CCDC33: variants seen among roughly 807,000 people sequenced by gnomAD.
CCDC33 encodes the protein coiled-coil domain-containing protein 33.
Under a neutral mutation model 91.9 loss-of-function variants are expected in CCDC33, and 94 were observed. The ratio of observed to expected loss-of-function variants is 1.02; its 90% CI spans 0.87 to 1.21. The LOEUF (loss-of-function observed/expected upper bound fraction) is 1.21, where lower values mean the gene tolerates loss of function less well. CCDC33 is among the 50% of genes most tolerant of loss of function. The probability of loss-of-function intolerance (pLI) is 0.00; values close to 1 mark genes in which losing one functional copy is unlikely to be tolerated. For synonymous variants in CCDC33, 396 were observed against 374.5 expected, an observed-to-expected ratio of 1.06 and a Z score of -0.66; for missense variants, 940 against 935.5, an observed-to-expected ratio of 1.00 and a Z score of -0.06.
intron 2 of CCDC33, among the ~76,000 whole-genome samples, chr15:74,257,501 G>T (rs1318311749): frequency 6.6e-6 from 1 of 152,198 alleles, no homozygotes; most frequent in Non-Finnish European, 1.5e-5. Context: ...CCAGAGGTGT[G>T]AGGGCTGGGG....
At chr15:74,226,574 A>G (rs2074803569) in intron 2 of CCDC33, among the ~76,000 whole-genome samples, 2 of 152,074 alleles carry the variant, frequency 1.3e-5, no homozygotes, top group African/African-American at 4.8e-5. Flanking sequence ...CTCGCCTGTA[A>G]TCCCAGCACT....
intron 2 of CCDC33, among the ~76,000 whole-genome samples, chr15:74,248,480 CCCTGTCTCAGCCTGGATT>C (rs2075606120): frequency 6.6e-6 from 1 of 152,196 alleles, no homozygotes; most frequent in Middle Eastern, 3.4e-3. Context: ...TCCTGGGAAT[CCCTGTCTCAGCCTGGATT>C]CTGTCCTTCT....
At position 74,244,259 on chromosome 15, in the gene CCDC33, T is replaced by G; in HGVS notation, c.185+111T>G. The G allele has an allele frequency of 1.5e-6, 2 of 1,360,160 alleles. No homozygotes were observed. The highest frequency in any genetic ancestry group is 2.0e-6 in the Non-Finnish European group (2 of 1,009,946). 84.3% of individuals were successfully genotyped at this position (1,360,160 alleles called of 1,614,324 possible). On this transcript the variant is annotated intron_variant, in intron 2 of 18. Transcript: ENST00000398814. The surrounding 1 kb of genome is among the most constrained non-coding windows in gnomAD (Gnocchi z 4.2). ...CAAAGGCCCAGGACTGGGACTGTCA[T>G]ACCCAGAGGGGAGGAGCTGCTGTGG...
intron 2 of CCDC33, among the ~76,000 whole-genome samples, chr15:74,259,867 C>G (rs1251997875): frequency 2.6e-5 from 4 of 152,168 alleles, no homozygotes; most frequent in Non-Finnish European, 5.9e-5. Flanking sequence ...CATGAAGATC[C>G]CTGGGAATCC....
chr15:74,223,723 T>TACAC (rs55820464), intron 2 of CCDC33, among the ~76,000 whole-genome samples: 47,182 of 111,938 alleles, frequency 0.42, 11,093 homozygotes, highest in East Asian at 0.63. Context: ...ACCGCCAGCA[T>TACAC]ACACACACAC....
intron 11 of CCDC33, among the ~76,000 whole-genome samples, chr15:74,317,903 T>G (rs1348654022): frequency 6.7e-6 from 1 of 149,774 alleles, no homozygotes; most frequent in Non-Finnish European, 1.5e-5. Context: ...TTTTTTTTTT[T>G]TTTTTTTGCT....
intron 1 of CCDC33, chr15:74,208,768 C>T: frequency 2.0e-6 from 2 of 988,820 alleles, no homozygotes; most frequent in African/African-American, 3.5e-5. Flanking sequence ...GTTCCAATCC[C>T]ACCTGGCCTC....
At chr15:74,333,258 C>T (rs978786814) in intron 16 of CCDC33, 7 of 1,603,296 alleles carry the variant, frequency 4.4e-6, no homozygotes, top group East Asian at 2.2e-5. Flanking sequence ...GGAGACTTGA[C>T]AGAGAGGCTA....
chr15:74,237,821 G>A (rs769047494), intron 1 of CCDC33, among the ~76,000 whole-genome samples: 21 of 152,326 alleles, frequency 1.4e-4, no homozygotes, highest in African/African-American at 3.6e-4. Context: ...TTTGAGAAGC[G>A]CTTTTGATAG....
chr15:74,218,466 C>T lies in CCDC33; in HGVS notation c.311-31C>T. ...CTGGCAGATGCAGAGAAACCTGAGA[C>T]CATCTCTGAGCCCTGTGTTCCCTCA... On this transcript the variant is annotated intron_variant, in intron 1 of 2. Coordinates refer to the CCDC33 transcript ENST00000635913. The surrounding 1 kb of genome is among the most constrained non-coding windows in gnomAD (Gnocchi z 4.8). The T allele has an allele frequency of 8.0e-7, 1 of 1,249,816 alleles. No homozygotes were observed. Among genetic ancestry groups the T allele is most frequent in the South Asian group, 1.4e-5 (1 of 73,194 alleles). The allele number at this position is 1,249,816 out of a possible 1,614,324, so 77.4% of individuals were successfully genotyped here.
At chr15:74,305,186 A>G (rs2059871001) in intron 11 of CCDC33, among the ~76,000 whole-genome samples, 1 of 152,028 alleles carries the variant, frequency 6.6e-6, no homozygotes, top group South Asian at 2.1e-4. Flanking sequence ...ACCTCAAGTG[A>G]TCCACCCGCC....
chr15:74,317,095 C>T (rs556303185), intron 11 of CCDC33, among the ~76,000 whole-genome samples: 24 of 152,290 alleles, frequency 1.6e-4, no homozygotes, highest in Non-Finnish European at 7.3e-5. Context: ...TGCAGTGGCT[C>T]ATGCCTGTAA....
At chr15:74,278,896 A>G (rs1450352129) in intron 7 of CCDC33, among the ~76,000 whole-genome samples, 2 of 152,206 alleles carry the variant, frequency 1.3e-5, no homozygotes, top group Non-Finnish European at 2.9e-5. Flanking sequence ...CCGAGTGCCC[A>G]CTGGCCCACA....
upstream of CCDC33, among the ~76,000 whole-genome samples, chr15:74,214,979 A>G (rs1360861200): frequency 2.0e-5 from 3 of 152,222 alleles, no homozygotes; most frequent in Non-Finnish European, 4.4e-5. Flanking sequence ...TGGGCACACA[A>G]ACATGATTCC....
At chr15:74,210,581 G>C (rs895143432) in intron 2 of CCDC33, among the ~76,000 whole-genome samples, 2 of 152,250 alleles carry the variant, frequency 1.3e-5, no homozygotes, top group African/African-American at 4.8e-5. Flanking sequence ...GAATTTTGGA[G>C]AATGAAGCAG....
At chr15:74,290,836 T>A (rs947254572) in intron 10 of CCDC33, among the ~76,000 whole-genome samples, 2 of 152,130 alleles carry the variant, frequency 1.3e-5, no homozygotes, top group South Asian at 4.1e-4. Flanking sequence ...TAGGATGTGA[T>A]TTCATCTGTG....
chr15:74,242,791 C>T (rs573563163), intron 1 of CCDC33, among the ~76,000 whole-genome samples: 13 of 152,258 alleles, frequency 8.5e-5, no homozygotes, highest in African/African-American at 3.1e-4. Context: ...CTCCCCACCC[C>T]ACCGCGTTTA....
At chr15:74,257,092 C>T (rs2075888755) in intron 2 of CCDC33, among the ~76,000 whole-genome samples, 2 of 152,220 alleles carry the variant, frequency 1.3e-5, no homozygotes, top group South Asian at 4.1e-4. Context: ...CCAGTTGGTG[C>T]CCTCCTTACT....
intron 2 of CCDC33, among the ~76,000 whole-genome samples, chr15:74,254,119 GCCTCCCAGGTT>G (rs1368704489): frequency 6.6e-6 from 1 of 151,994 alleles, no homozygotes; most frequent in Non-Finnish European, 1.5e-5. Flanking sequence ...TGCAACCTCT[GCCTCCCAGGTT>G]CAAGAGACTC....
Sources: allele counts gnomAD v4.1 joint callset (sites outside exome capture counted in the v4.1 genomes callset), GRCh38; gene constraint gnomAD v4.1.1; non-coding constraint Gnocchi (gnomAD v3.1); transcripts MANE v1.5; gene names NCBI Gene and HGNC (gene_info 2026-07-23, HGNC 2026-07-21).